Variants in CSMD1 observed in about 807,000 individuals in gnomAD.
CSMD1 encodes the protein CUB and sushi domain-containing protein 1.
A neutral mutation model predicts 417.5 loss-of-function variants in CSMD1; 213 were observed. The observed-to-expected ratio is 0.51, with a 90% CI of 0.46 to 0.57. The LOEUF is 0.57. CSMD1 is among the 20% of genes least tolerant of loss of function. The pLI, the probability that CSMD1 is intolerant of heterozygous loss-of-function variation, is 0.00. For missense variants in CSMD1, 6,923 were observed against 4,529.7 expected (o/e 1.53, Z -15.17); for synonymous variants, 2,862 against 1,736.8 (o/e 1.65, Z -16.11).
intron 10 of CSMD1, among the ~76,000 whole-genome samples, chr8:3,538,310 A>T (rs990702593): frequency 6.6e-6 from 1 of 152,180 alleles, no homozygotes; most frequent in Admixed American, 6.5e-5. Context: ...GAGATGGTAC[A>T]CGTGCGATGC....
chr8:3,202,948 A>G (rs959665969), intron 31 of CSMD1, among the ~76,000 whole-genome samples: 1 of 152,128 alleles, frequency 6.6e-6, no homozygotes, highest in Non-Finnish European at 1.5e-5. Flanking sequence ...AGAGAGGGAG[A>G]GGACTTAATA....
Position 3,103,333 on chromosome 8 carries a change from C to A in CSMD1, c.6949+3195G>T, listed in dbSNP as rs191909962. 7.2e-5 allele frequency among the ~76,000 whole-genome samples: 11 copies of A among 152,266 alleles called. No homozygotes were observed. The East Asian group carries it at 2.1e-3, about 29-fold the overall frequency. On this transcript the variant is annotated intron_variant, in intron 46 of 69. Transcript: ENST00000635120. Reference sequence around the variant, plus strand: ...ACATGAAAAATAGCAGCCCCACCTTCAGTTTGGTCCAGGAACACTTAAACA... The same window carrying A: ...ACATGAAAAATAGCAGCCCCACCTTAAGTTTGGTCCAGGAACACTTAAACA...
intron 4 of CSMD1, among the ~76,000 whole-genome samples, chr8:4,016,723 C>A (rs188403535): frequency 4.5e-4 from 69 of 152,250 alleles, no homozygotes; most frequent in Middle Eastern, 3.4e-3. Context: ...TTAGGAAGAC[C>A]CTATAGCCAA....
intron 3 of CSMD1, among the ~76,000 whole-genome samples, chr8:4,169,446 GTT>G (rs1563216457): frequency 6.6e-6 from 1 of 152,028 alleles, no homozygotes; most frequent in African/African-American, 2.4e-5. Flanking sequence ...CTTTCAGCTA[GTT>G]TTCTTCAACA....
chr8:2,984,673 A>C (rs1019195646), intron 54 of CSMD1, among the ~76,000 whole-genome samples: 2 of 152,202 alleles, frequency 1.3e-5, no homozygotes, highest in African/African-American at 4.8e-5. Context: ...TGAGTGCTGG[A>C]TGAACGGCCA....
intron 5 of CSMD1, among the ~76,000 whole-genome samples, chr8:3,856,929 T>C (rs2129103235): frequency 6.6e-6 from 1 of 152,304 alleles, no homozygotes; most frequent in African/African-American, 2.4e-5. Context: ...TACCACAGTG[T>C]AGCCTAGCTA....
At chr8:4,241,566 T>A (rs886832569) in intron 3 of CSMD1, among the ~76,000 whole-genome samples, 4 of 152,168 alleles carry the variant, frequency 2.6e-5, no homozygotes, top group Non-Finnish European at 5.9e-5. Context: ...GCACAAAAGA[T>A]GGACACAGCG....
intron 5 of CSMD1, among the ~76,000 whole-genome samples, chr8:3,849,748 G>T (rs1208147488): frequency 6.6e-6 from 1 of 152,150 alleles, no homozygotes; most frequent in African/African-American, 2.4e-5. Context: ...TGAAGCTCTT[G>T]TACAAATATC....
At chr8:4,913,608 T>G (rs890002651) in intron 1 of CSMD1, among the ~76,000 whole-genome samples, 4 of 152,178 alleles carry the variant, frequency 2.6e-5, no homozygotes, top group African/African-American at 9.6e-5. Context: ...TCCATATGTT[T>G]TGCAGTAGGT....
intron 26 of CSMD1, among the ~76,000 whole-genome samples, chr8:3,282,824 C>G (rs10109330): frequency 0.72 from 109,749 of 152,044 alleles, 40,608 homozygotes; most frequent in Admixed American, 0.82. Context: ...ACTGACCTAA[C>G]TCAATTTTCT....
chr8:3,498,607 C>G (rs567679409), intron 10 of CSMD1, among the ~76,000 whole-genome samples: 53 of 152,322 alleles, frequency 3.5e-4, no homozygotes, highest in African/African-American at 1.3e-3. Flanking sequence ...CCTTTCTGAT[C>G]TCTTCTCCTT....
intron 3 of CSMD1, among the ~76,000 whole-genome samples, chr8:4,167,146 T>A (rs1245015645): frequency 6.6e-6 from 1 of 152,230 alleles, no homozygotes; most frequent in Non-Finnish European, 1.5e-5. Flanking sequence ...GGTGACATTT[T>A]TTTTTCTACC....
chr8:3,848,694 T>C (rs945334373), intron 5 of CSMD1, among the ~76,000 whole-genome samples: 2 of 152,158 alleles, frequency 1.3e-5, no homozygotes, highest in African/African-American at 4.8e-5. Context: ...CCTTGCACCA[T>C]CTGTGTGATC....
chr8:3,654,617 G>C (rs907606992), intron 7 of CSMD1, among the ~76,000 whole-genome samples: 2 of 152,196 alleles, frequency 1.3e-5, no homozygotes, highest in African/African-American at 4.8e-5. Context: ...CTTTTTCAAA[G>C]CAGGGCAGCC....
At chr8:4,447,501 A>G (rs12549644) in intron 2 of CSMD1, among the ~76,000 whole-genome samples, 17,799 of 152,242 alleles carry the variant, frequency 0.12, 1,395 homozygotes, top group South Asian at 0.22. Flanking sequence ...TAAGATGTGA[A>G]TGTTCTTTGG....
chr8:3,311,373 C>G (rs1303290842), intron 23 of CSMD1, among the ~76,000 whole-genome samples: 1 of 152,108 alleles, frequency 6.6e-6, no homozygotes, highest in Non-Finnish European at 1.5e-5. Flanking sequence ...CCTCAGCCTC[C>G]TGAATAGCTG....
At chr8:4,624,860 A>T (rs972125772) in intron 2 of CSMD1, among the ~76,000 whole-genome samples, 1 of 152,072 alleles carries the variant, frequency 6.6e-6, no homozygotes, top group African/African-American at 2.4e-5. Flanking sequence ...TTCAAATTAC[A>T]TTCGTTTCCA....
intron 36 of CSMD1, among the ~76,000 whole-genome samples, chr8:3,186,076 A>G (rs945518330): frequency 6.7e-6 from 1 of 150,284 alleles, no homozygotes; most frequent in Non-Finnish European, 1.5e-5. Context: ...CTCCTGTAAC[A>G]CCCATCACCT....
chr8:3,728,387 G>C (rs904016312), intron 6 of CSMD1, among the ~76,000 whole-genome samples: 1 of 152,060 alleles, frequency 6.6e-6, no homozygotes, highest in Non-Finnish European at 1.5e-5. Context: ...CCCAGTATTG[G>C]GTATGTCTTT....
Sources: gnomAD v4.1 joint callset for allele counts (sites outside exome capture counted in the v4.1 genomes callset) on GRCh38, gnomAD v4.1.1 for gene constraint, MANE v1.5 for transcripts, NCBI Gene and HGNC (gene_info 2026-07-23, HGNC 2026-07-21) for gene names.